PROKR2: variants seen among roughly 807,000 people sequenced by gnomAD.
The protein encoded by PROKR2 is prokineticin receptor 2.
In PROKR2, 26 loss-of-function variants were observed where a neutral mutation model predicts 23.4. That is an observed-to-expected ratio of 1.11 (90% CI 0.81 to 1.54). The LOEUF (loss-of-function observed/expected upper bound fraction) is 1.54. PROKR2 is among the 40% of genes most tolerant of loss of function. The pLI is 0.00. For missense variants in PROKR2, 453 were observed against 511.5 expected (o/e 0.89, Z 1.10); for synonymous variants, 212 against 201.2 (o/e 1.05, Z -0.45).
At chr20:5,312,480 G>A (rs6085086) in intron 2 of PROKR2, among the ~76,000 whole-genome samples, 46,659 of 152,110 alleles carry the variant, frequency 0.31, 7,385 homozygotes, top group East Asian at 0.39. Flanking sequence ...TGGTTGATAG[G>A]TACACATTTC....
intron 2 of PROKR2, among the ~76,000 whole-genome samples, chr20:5,313,537 G>C (rs898839580): frequency 7.2e-5 from 11 of 152,244 alleles, no homozygotes; most frequent in Admixed American, 5.9e-4. Flanking sequence ...CCACCTGGAG[G>C]GTGGCTACAG....
In PROKR2 at chr20:5,302,620, G is replaced by A. The variant is rs960872927; in HGVS notation, c.575C>T (p.Ala192Val). The A allele has an allele frequency of 6.2e-7, 1 of 1,614,096 alleles. No homozygotes were observed. The highest frequency in any genetic ancestry group is 8.5e-7 in the Non-Finnish European group (1 of 1,180,044). ...GACAATAAAGAGGACCGTTTCTGTT[G>A]CAAAGTAAGCCGATGGGATGGCAAT... ...ILIAIPSAYFATETVLFIVKS... is the reference protein window; with the variant it reads ...ILIAIPSAYFVTETVLFIVKS... Residue 192 changes from alanine (A) to valine (V), a missense_variant, in exon 3 of 3, where the codon GCA becomes GTA. Physicochemically the swap from Ala to Val is moderately conservative, Grantham distance 64 (BLOSUM62 0). Transcript: ENST00000678254.
In PROKR2 at chr20:5,316,063, T is replaced by C; in HGVS notation, c.-9+431A>G. On this transcript the variant is annotated intron_variant, in intron 1 of 2. Coordinates refer to ENST00000678254, the MANE Select transcript of PROKR2 (RefSeq NM_144773.4). The surrounding 1 kb of genome is among the most constrained non-coding windows in gnomAD (Gnocchi z 5.0). ...CAGGAATCAAGTCAGAAATTCAGGC[T>C]CTAGAAGCAAAGGCTGCGGTGCCTC... 4.4e-6 allele frequency: 2 copies of C among 456,658 alleles called. No individual in the cohort carries two copies. The highest frequency in any genetic ancestry group is 4.4e-6 in the Non-Finnish European group (1 of 226,966). 28.3% of individuals were successfully genotyped at this position (456,658 alleles called of 1,614,324 possible). A position where few individuals can be genotyped will look rare whatever the true frequency, so the allele number is the denominator to read the frequency against.
Position 5,314,225 on chromosome 20 carries a change from A to C in PROKR2, c.145T>G (p.Phe49Val). The change falls in exon 2 of 3, where the codon TTC becomes GTC. Residue 49 changes from phenylalanine (F) to valine (V), a missense_variant. Physicochemically the swap from Phe to Val is conservative, Grantham distance 50 (BLOSUM62 -1). Coordinates refer to ENST00000678254, the MANE Select transcript of PROKR2 (RefSeq NM_144773.4). ...CCAATGACGATCTTGGCTGCGAAGA[A>C]GGTCCGGGTCTTGGTCATGTCCTCA... ...EDEDMTKTRT[F>V]FAAKIVIGIA... 1 of 1,614,220 alleles carries C rather than the reference A, an allele frequency of 6.2e-7. No individual in the cohort carries two copies. The highest frequency in any genetic ancestry group is 8.5e-7 in the Non-Finnish European group (1 of 1,180,036).
Position 5,302,632 on chromosome 20 carries a change from G to T in PROKR2, c.563C>A (p.Ser188Ter). The T allele has an allele frequency of 1.2e-6, 2 of 1,614,190 alleles. No individual in the cohort carries two copies. The highest frequency in any genetic ancestry group is 1.7e-6 in the Non-Finnish European group (2 of 1,180,028). The change falls in exon 3 of 3, where the codon TCG becomes TAG. Residue 188 changes from serine (S) to a stop codon, truncating the protein, a stop_gained. Coordinates refer to ENST00000678254, the MANE Select transcript of PROKR2 (RefSeq NM_144773.4). LOFTEE classifies it high-confidence loss of function. The stretch of plus-strand genomic sequence containing the variant: ...GACCGTTTCTGTTGCAAAGTAAGCC[G>T]ATGGGATGGCAATGAGAATGGACAC... Reference protein sequence around the residue: ...WMVSILIAIPSAYFATETVLF... With the variant: ...WMVSILIAIP
intron 2 of PROKR2, among the ~76,000 whole-genome samples, chr20:5,313,272 C>T (rs570683876): frequency 6.6e-6 from 1 of 152,238 alleles, no homozygotes; most frequent in African/African-American, 2.4e-5. Context: ...AGCACACCAA[C>T]ATATGCAGAA....
intron 2 of PROKR2, among the ~76,000 whole-genome samples, chr20:5,308,969 C>A (rs1027637802): frequency 9.1e-6 from 1 of 110,106 alleles, no homozygotes; most frequent in Non-Finnish European, 1.9e-5. Flanking sequence ...TTCTGAAGAT[C>A]TAGGATGAAG....
At chr20:5,315,135 T>C (rs1979612977) in intron 1 of PROKR2, among the ~76,000 whole-genome samples, 1 of 150,356 alleles carries the variant, frequency 6.7e-6, no homozygotes, top group African/African-American at 2.4e-5. Context: ...GACAGACATC[T>C]GTTGAGTGCA....
intron 2 of PROKR2, among the ~76,000 whole-genome samples, chr20:5,309,251 A>G (rs1979343100): frequency 6.6e-6 from 1 of 152,210 alleles, no homozygotes; most frequent in Admixed American, 6.5e-5. Context: ...TACCGCAAAC[A>G]TAGTGGCTTG....
In PROKR2 at chr20:5,314,327, T is replaced by C. The variant is rs1979573757; in HGVS notation, c.43A>G (p.Asn15Asp). 6.2e-7 allele frequency: 1 copy of C among 1,613,996 alleles called. No individual in the cohort carries two copies. The highest frequency in any genetic ancestry group is 1.3e-5 in the African/African-American group (1 of 74,970). The change falls in exon 2 of 3, where the codon AAT becomes GAT. Residue 15 changes from asparagine (N) to aspartate (D), a missense_variant. By Grantham distance (23) the Asn-to-Asp change is conservative (BLOSUM62 1). Coordinates refer to ENST00000678254, the MANE Select transcript of PROKR2 (RefSeq NM_144773.4). Reference protein sequence around the residue: ...NGNTSFTPNFNPPQDHASSLS... With the variant: ...NGNTSFTPNFDPPQDHASSLS... Reference sequence around the variant, plus strand: ...GAGGAGGCATGGTCTTGGGGTGGATTAAAGTTGGGTGTGAAACTGGTGTTT... The same window carrying C: ...GAGGAGGCATGGTCTTGGGGTGGATCAAAGTTGGGTGTGAAACTGGTGTTT...
In PROKR2 at chr20:5,316,243, T is replaced by TG; in HGVS notation, c.-9+250dup. ...CTCGTCCGCGAGCTCAGCTACCCGC[T>TG]GGCTCCCTCTGCCCGCGCCCGCACA... On this transcript the variant is annotated intron_variant, in intron 1 of 2. Transcript: ENST00000678254. The surrounding 1 kb of genome is among the most constrained non-coding windows in gnomAD (Gnocchi z 5.0). The TG allele has an allele frequency of 2.2e-6, 1 of 456,618 alleles. No individual in the cohort carries two copies. The highest frequency in any genetic ancestry group is 1.5e-5 in the South Asian group (1 of 64,568). 28.3% of individuals were successfully genotyped at this position (456,618 alleles called of 1,614,324 possible).
intron 2 of PROKR2, among the ~76,000 whole-genome samples, chr20:5,304,576 G>A (rs930979448): frequency 1.6e-4 from 25 of 152,280 alleles, no homozygotes; most frequent in African/African-American, 4.8e-4. Flanking sequence ...GGGGGTTGGC[G>A]ACTGGGCTGG....
chr20:5,314,701 T>A (rs1979591646), intron 1 of PROKR2, among the ~76,000 whole-genome samples: 1 of 152,192 alleles, frequency 6.6e-6, no homozygotes, highest in Non-Finnish European at 1.5e-5. Context: ...ATAGGATGGA[T>A]CAGACTGTCC....
chr20:5,313,995 G>C lies in PROKR2; in HGVS notation c.375C>G (p.His125Gln). The change falls in exon 2 of 3, where the codon CAC (histidine) becomes CAG (glutamine). Residue 125 changes from histidine to glutamine, a missense_variant. His to Gln is a conservative substitution (Grantham distance 24). Coordinates refer to ENST00000678254, the MANE Select transcript of PROKR2 (RefSeq NM_144773.4). ...GGTAGTTGACGGAGGCACAGAGCAC[G>C]TGGCCATGCTCCCAGGAGAGCTGCC... ...VVRQLSWEHG[H>Q]VLCASVNYLR... The C allele has an allele frequency of 6.2e-7, 1 of 1,614,212 alleles. No individual in the cohort carries two copies. Among genetic ancestry groups the C allele is most frequent in the South Asian group, 1.1e-5 (1 of 91,088 alleles).
rs1979575170 is a variant in PROKR2, at chr20:5,314,347, G to T, written c.23C>A (p.Thr8Asn). 1 of 1,614,114 alleles carries T rather than the reference G, an allele frequency of 6.2e-7. No individual in the cohort carries two copies. The highest frequency in any genetic ancestry group is 8.5e-7 in the Non-Finnish European group (1 of 1,180,032). MAAQNGN[T>N]SFTPNFNPPQ... ...TGGATTAAAGTTGGGTGTGAAACTG[G>T]TGTTTCCATTCTGGGCTGCCATGGT... is the stretch of plus-strand genomic sequence containing the variant. The change falls in exon 2 of 3, where the codon ACC becomes AAC. Residue 8 changes from threonine (T) to asparagine (N), a missense_variant. By Grantham distance (65) the Thr-to-Asn change is moderately conservative. Transcript: ENST00000678254.
In PROKR2 at chr20:5,302,533, T is replaced by C. The variant is rs1254922111; in HGVS notation, c.662A>G (p.Lys221Arg). Residue 221 changes from lysine to arginine, a missense_variant, in exon 3 of 3, where the codon AAG becomes AGG. Coordinates refer to ENST00000678254, the MANE Select transcript of PROKR2 (RefSeq NM_144773.4). ...ACCAAAGATGAAGAGGAAGTAGGAC[T>C]TGTAGTAGAGCTGCTGATCCACAGG... ...IWPVDQQLYYKSYFLFIFGVE... is the reference protein window; with the variant it reads ...IWPVDQQLYYRSYFLFIFGVE... 5.0e-6 allele frequency: 8 copies of C among 1,614,106 alleles called. No individual in the cohort carries two copies. Among genetic ancestry groups the C allele is most frequent in the Non-Finnish European group, 6.8e-6 (8 of 1,180,044 alleles).
chr20:5,311,434 A>G (rs1979439586), intron 2 of PROKR2, among the ~76,000 whole-genome samples: 1 of 152,190 alleles, frequency 6.6e-6, no homozygotes, highest in Admixed American at 6.5e-5. Context: ...TGGTGTTGTA[A>G]CAAGGTGATT....
intron 2 of PROKR2, among the ~76,000 whole-genome samples, chr20:5,307,161 C>T (rs6053278): frequency 5.3e-5 from 8 of 152,246 alleles, no homozygotes; most frequent in African/African-American, 1.9e-4. Context: ...TCACAAGCAA[C>T]ACCCGTTGAA....
chr20:5,307,569 T>C (rs1020798263), intron 2 of PROKR2, among the ~76,000 whole-genome samples: 1 of 152,250 alleles, frequency 6.6e-6, no homozygotes, highest in Non-Finnish European at 1.5e-5. Context: ...GCAGAGGTGC[T>C]GCGCAACGAA....
Sources: gnomAD v4.1 joint callset for allele counts (sites outside exome capture counted in the v4.1 genomes callset) on GRCh38, gnomAD v4.1.1 for gene constraint, Gnocchi (gnomAD v3.1) non-coding constraint, MANE v1.5 for transcripts, NCBI Gene and HGNC (gene_info 2026-07-23, HGNC 2026-07-21) for gene names.